Variants in COL4A6 observed in about 807,000 individuals in gnomAD.
COL4A6 encodes the protein collagen alpha-6(IV) chain.
COL4A6 carries 59 observed loss-of-function variants against 126.7 expected under a neutral mutation model. The observed-to-expected ratio is 0.47, with a 90% CI of 0.38 to 0.58. The LOEUF (loss-of-function observed/expected upper bound fraction) is 0.58. COL4A6 is among the 20% of genes least tolerant of loss of function. COL4A6 has a pLI of 0.00. For missense variants in COL4A6, 1,285 were observed against 1,337.3 expected (o/e 0.96, Z 0.61); for synonymous variants, 547 against 496.6 (o/e 1.10, Z -1.35).
chrX:108,216,848 C>T (rs746152401), intron 5 of COL4A6, among the ~76,000 whole-genome samples: 59 of 112,905 alleles, frequency 5.2e-4, no homozygotes, highest in Non-Finnish European at 9.6e-4. Context: ...CTCATGTGCT[C>T]ATTTACAAGT....
At chrX:108,418,013 C>A (rs766386976) in intron 2 of COL4A6, among the ~76,000 whole-genome samples, 9 of 111,865 alleles carry the variant, frequency 8.0e-5, no homozygotes, top group Non-Finnish European at 1.3e-4. Flanking sequence ...AGGAGTGTTA[C>A]CATTTTGATA....
chrX:108,324,915 C>T lies in COL4A6; in HGVS notation c.64-14087G>A, dbSNP rs1453109489. On this transcript the variant is annotated intron_variant, in intron 2 of 44. Coordinates refer to ENST00000334504, the MANE Select transcript of COL4A6 (RefSeq NM_033641.4). ...ACACCAGGACCTCTGTCTTCATTTG[C>T]AAAGAACAACATATTACTTTTACCT... Among the ~76,000 whole-genome samples the T allele has an allele frequency of 2.7e-5, 3 of 112,230 alleles. No individual in the cohort carries two copies. In the East Asian group the frequency reaches 8.4e-4, roughly 31 times the overall value.
chrX:108,208,224 T>G (rs1054837924), intron 8 of COL4A6, among the ~76,000 whole-genome samples: 1 of 111,756 alleles, frequency 8.9e-6, no homozygotes. Flanking sequence ...AAATCTGCAA[T>G]TACAGTTGGA....
At chrX:108,220,296 T>TCCCTATGTGG (rs1182566749) in intron 4 of COL4A6, among the ~76,000 whole-genome samples, 1 of 112,122 alleles carries the variant, frequency 8.9e-6, no homozygotes, top group Non-Finnish European at 1.9e-5. Flanking sequence ...CCAAGTGCTA[T>TCCCTATGTGG]CCCTATGTGG....
chrX:108,292,966 A>T (rs751441023), intron 3 of COL4A6, among the ~76,000 whole-genome samples: 79 of 99,047 alleles, frequency 8.0e-4, no homozygotes, highest in African/African-American at 2.7e-3. Context: ...AAAAAAAAAA[A>T]AAAGAAAGGA....
chrX:108,333,484 G>T (rs1021374899), intron 2 of COL4A6, among the ~76,000 whole-genome samples: 3 of 110,447 alleles, frequency 2.7e-5, no homozygotes, highest in African/African-American at 9.8e-5. Context: ...AAAGTTAAAA[G>T]AATTCCCTTT....
chrX:108,309,594 C>T (rs1352579610), intron 3 of COL4A6, among the ~76,000 whole-genome samples: 1 of 110,836 alleles, frequency 9.0e-6, no homozygotes, highest in African/African-American at 3.3e-5. Flanking sequence ...TTTTACTTTA[C>T]CCCAAATGTA....
chrX:108,377,076 G>C (rs1465189895), intron 2 of COL4A6, among the ~76,000 whole-genome samples: 1 of 112,831 alleles, frequency 8.9e-6, no homozygotes, highest in Non-Finnish European at 1.9e-5. Flanking sequence ...CCCGGAGAGG[G>C]GGATGTGGCA....
chrX:108,157,695 A>G (rs1337013045), intron 44 of COL4A6, among the ~76,000 whole-genome samples: 1 of 111,587 alleles, frequency 9.0e-6, no homozygotes, highest in Non-Finnish European at 1.9e-5. Context: ...TCAACCATGC[A>G]TTGTACTCTA....
intron 42 of COL4A6, among the ~76,000 whole-genome samples, chrX:108,161,133 C>A (rs892208159): frequency 1.8e-4 from 20 of 112,027 alleles, no homozygotes; most frequent in African/African-American, 6.5e-4. Context: ...AAATCAACTG[C>A]CACAGTTTCC....
chrX:108,355,135 G>A (rs779804154), intron 2 of COL4A6, among the ~76,000 whole-genome samples: 31 of 111,379 alleles, frequency 2.8e-4, no homozygotes, highest in Non-Finnish European at 4.1e-4. Context: ...ATCCATCCAA[G>A]GAGACCCAAG....
intron 3 of COL4A6, among the ~76,000 whole-genome samples, chrX:108,294,048 T>G (rs1349117244): frequency 8.9e-6 from 1 of 112,203 alleles, no homozygotes; most frequent in African/African-American, 3.2e-5. Flanking sequence ...TTATTGAGCA[T>G]GTACTCTGTT....
intron 3 of COL4A6, among the ~76,000 whole-genome samples, chrX:108,294,802 G>A (rs899370174): frequency 3.6e-5 from 4 of 111,461 alleles, no homozygotes; most frequent in African/African-American, 1.3e-4. Flanking sequence ...AACGAGACAA[G>A]GTAATGAAAT....
rs776022726 is a variant in COL4A6, at chrX:108,174,629, A to T, written c.2957-8T>A. On this transcript the variant is annotated splice_region_variant and splice_polypyrimidine_tract_variant and intron_variant, in intron 30 of 44. Coordinates refer to ENST00000334504, the MANE Select transcript of COL4A6 (RefSeq NM_033641.4). ...CAGCCTCTCCTTTGTCACCTGTAAA[A>T]GAAATAAAAAGACTTGGAAAAAGAC... is the stretch of plus-strand genomic sequence containing the variant. 2 of 1,144,000 alleles carry T rather than the reference A, an allele frequency of 1.7e-6. No homozygotes were observed. The highest frequency in any genetic ancestry group is 2.3e-6 in the Non-Finnish European group (2 of 864,968). 94.3% of individuals were successfully genotyped at this position (1,144,000 alleles called of 1,213,427 possible).
chrX:108,416,130 T>A (rs1475739752), intron 2 of COL4A6, among the ~76,000 whole-genome samples: 1 of 111,974 alleles, frequency 8.9e-6, no homozygotes, highest in Non-Finnish European at 1.9e-5. Context: ...GCAGTGAAGG[T>A]TTATTGTTAA....
At chrX:108,229,835 C>A (rs763721358) in intron 3 of COL4A6, among the ~76,000 whole-genome samples, 1 of 111,488 alleles carries the variant, frequency 9.0e-6, no homozygotes. Context: ...GACAGGGAAC[C>A]CCATGAGGGG....
chrX:108,394,517 T>C (rs1445838875), intron 2 of COL4A6, among the ~76,000 whole-genome samples: 1 of 111,617 alleles, frequency 9.0e-6, no homozygotes, highest in Non-Finnish European at 1.9e-5. Context: ...GGGGTATCTT[T>C]TGTAAATACT....
intron 6 of COL4A6, among the ~76,000 whole-genome samples, chrX:108,212,417 C>T (rs1460255547): frequency 1.8e-5 from 2 of 111,232 alleles, no homozygotes; most frequent in Non-Finnish European, 3.8e-5. Context: ...GTACACAATT[C>T]CAATCTTTCA....
At chrX:108,388,983 A>AT (rs1484782477) in intron 2 of COL4A6, among the ~76,000 whole-genome samples, 1 of 111,759 alleles carries the variant, frequency 8.9e-6, no homozygotes, top group Non-Finnish European at 1.9e-5. Flanking sequence ...CCCAGTAGTC[A>AT]TTCAGGAGCA....
Sources: allele counts gnomAD v4.1 joint callset (sites outside exome capture counted in the v4.1 genomes callset), GRCh38; gene constraint gnomAD v4.1.1; transcripts MANE v1.5; gene names NCBI Gene and HGNC (gene_info 2026-07-23, HGNC 2026-07-21).